The following FBN3 variants were observed in gnomAD, a reference collection of about 807,000 sequenced individuals.
FBN3 encodes the protein fibrillin-3.
FBN3 carries 234 observed loss-of-function variants against 330.1 expected under a neutral mutation model. The ratio of observed to expected loss-of-function variants is 0.71; its 90% CI spans 0.64 to 0.79. FBN3 has a LOEUF of 0.79. Among genes scored for constraint, FBN3 ranks in the 30% least tolerant of loss-of-function variants. The pLI is 0.00. For missense variants in FBN3, 3,606 were observed against 3,886.9 expected, an observed-to-expected ratio of 0.93 and a Z score of 1.92; for synonymous variants, 1,458 against 1,517.3, an observed-to-expected ratio of 0.96 and a Z score of 0.91.
In FBN3 at chr19:8,096,420, G is replaced by A. The variant is rs761733135; in HGVS notation, c.5539+24C>T. The A allele has an allele frequency of 1.9e-6, 3 of 1,604,862 alleles. No homozygotes were observed. The highest frequency in any genetic ancestry group is 2.6e-6 in the Non-Finnish European group (3 of 1,174,360). On this transcript the variant is annotated intron_variant, in intron 44 of 63. Transcript: ENST00000600128. This position sits in a 1 kb window ranked among gnomAD's most constrained non-coding sequence, Gnocchi z 4.6. ...GACCCCAGGCAGCCTGGCTTGAAAA[G>A]GAGGGGGAAGATAAGGGTCTCACCC...
At chr19:8,116,154 T>A (rs965003914) in intron 29 of FBN3, among the ~76,000 whole-genome samples, 2 of 152,106 alleles carry the variant, frequency 1.3e-5, no homozygotes, top group African/African-American at 4.8e-5. Flanking sequence ...CATTGTTACT[T>A]CCCGGAACTT....
At chr19:8,100,833 G>A (rs2082311712) in intron 41 of FBN3, 68 bp downstream of exon 41, 1 of 1,231,380 alleles carries the variant, frequency 8.1e-7, no homozygotes, top group Non-Finnish European at 1.2e-6. Flanking sequence ...GTTGAGGAGG[G>A]GAGGGGTGGG....
At chr19:8,072,244 T>C (rs776964351) in intron 62 of FBN3, 46 bp from the exon 63 acceptor site, 59 of 1,491,540 alleles carry the variant, frequency 4.0e-5, no homozygotes, top group Middle Eastern at 1.8e-4. Context: ...GGCGGGCTGA[T>C]GGGACCTCCC....
Position 8,096,448 on chromosome 19 carries a change from G to A in FBN3, c.5535C>T (p.Cys1845=). ...GGGGGAAGATAAGGGTCTCACCCAT[G>A]CACAGGGTCTGGTCTGCAGAGGCCT... ...GFQASADQTL[C]MDIDECDRQP... The change falls in exon 44 of 64, where the codon TGC becomes TGT. Residue 1845 remains cysteine, a synonymous_variant. Transcript: ENST00000600128. The surrounding 1 kb of genome is among the most constrained non-coding windows in gnomAD (Gnocchi z 4.6). 1 of 1,613,620 alleles carries A rather than the reference G, an allele frequency of 6.2e-7. No homozygotes were observed. The highest frequency in any genetic ancestry group is 8.5e-7 in the Non-Finnish European group (1 of 1,179,766).
At chr19:8,105,646 C>G (rs577463111) in intron 38 of FBN3, among the ~76,000 whole-genome samples, 1 of 152,256 alleles carries the variant, frequency 6.6e-6, no homozygotes, top group African/African-American at 2.4e-5. Flanking sequence ...ATAAAGTATT[C>G]TTAGCTAGCA....
chr19:8,098,619 A>G (rs68173935), intron 41 of FBN3, among the ~76,000 whole-genome samples: 53,422 of 124,184 alleles, frequency 0.43, 15,602 homozygotes, highest in Middle Eastern at 0.64. Context: ...GTGTCCATCA[A>G]TGGGGGACTG....
rs770235641 is a variant in FBN3 at position 8,146,212 on chromosome 19, G to A, written c.264C>T (p.Arg88=). Residue 88 remains arginine (R), a synonymous_variant, in exon 4 of 64, where the codon CGC becomes CGT. Transcript: ENST00000600128. ...GGGAGCAGAAGCCTTCACCGCAGGC[G>A]CGCCTACAGATGGCTGGATGAGTGC... ...RSQCVVPICR[R]ACGEGFCSQP... 25 of 1,595,100 alleles carry A rather than the reference G, an allele frequency of 1.6e-5. No individual in the cohort carries two copies. The highest frequency in any genetic ancestry group is 8.0e-5 in the African/African-American group (6 of 74,802).
intron 59 of FBN3, among the ~76,000 whole-genome samples, chr19:8,076,375 G>C (rs1427467946): frequency 1.3e-5 from 2 of 152,006 alleles, no homozygotes; most frequent in Non-Finnish European, 2.9e-5. Context: ...GCTCATGCCT[G>C]TAATCCCAGT....
chr19:8,086,319 T>C lies in FBN3; in HGVS notation c.6761A>G (p.Asn2254Ser). The C allele has an allele frequency of 6.2e-7, 1 of 1,603,730 alleles. No homozygotes were observed. The highest frequency in any genetic ancestry group is 8.5e-7 in the Non-Finnish European group (1 of 1,173,620). Residue 2254 changes from asparagine to serine, a missense_variant, in exon 55 of 64, where the codon AAT becomes AGT. Physicochemically the swap from Asn to Ser is conservative, Grantham distance 46. Transcript: ENST00000600128. The stretch of plus-strand genomic sequence containing the variant: ...GAGGTCAGGCTGAGCGTGGCATTCA[T>C]TGTCATCTGAGATGGGAGGGGTGAG... ...PGSGEGCTDD[N>S]ECHAQPDLCV...
intron 40 of FBN3, among the ~76,000 whole-genome samples, chr19:8,101,928 C>T (rs973022448): frequency 1.3e-5 from 2 of 152,224 alleles, no homozygotes; most frequent in Admixed American, 1.3e-4. Context: ...TGTGTCCCCA[C>T]CTAAACCTCA....
At position 8,068,424 on chromosome 19, in the gene FBN3, C is replaced by T. The variant is rs1484524984; in HGVS notation, c.8089-2164G>A. Among the ~76,000 whole-genome samples the T allele has an allele frequency of 4.0e-5, 6 of 150,582 alleles. No homozygotes were observed. In the East Asian group the frequency reaches 5.9e-4, roughly 15 times the overall value. On this transcript the variant is annotated intron_variant, in intron 63 of 63. Coordinates refer to ENST00000600128, the MANE Select transcript of FBN3 (RefSeq NM_032447.5). ...AAAAAATCAATAAATAGGGTGGGCA[C>T]GGTGGCTCATGCCTGTACTCCCAGC...
At chr19:8,115,673 T>C (rs759694606) in intron 29 of FBN3, 33 bp from the exon 30 acceptor site, 1 of 1,612,170 alleles carries the variant, frequency 6.2e-7, no homozygotes, top group East Asian at 2.2e-5. Flanking sequence ...GTCTGAGGAC[T>C]GGGTGCAGGG....
intron 46 of FBN3, among the ~76,000 whole-genome samples, chr19:8,095,145 T>C (rs1170311340): frequency 1.3e-5 from 2 of 152,118 alleles, no homozygotes; most frequent in African/African-American, 2.4e-5. Flanking sequence ...CTAATTTAAA[T>C]TTCTTTGTAG....
Position 8,085,574 on chromosome 19 carries a change from A to G in FBN3, c.6881-5T>C, listed in dbSNP as rs761619840. ...AGCAGGGCCCCTGCCGGATGTCTGCAGAGAACAATGGGAAAGACAACGGTC... is the reference window on the plus strand; with the variant it reads ...AGCAGGGCCCCTGCCGGATGTCTGCGGAGAACAATGGGAAAGACAACGGTC... On this transcript the variant is annotated splice_region_variant and splice_polypyrimidine_tract_variant and intron_variant, in intron 55 of 63. Coordinates refer to ENST00000600128, the MANE Select transcript of FBN3 (RefSeq NM_032447.5). 4 of 1,548,106 alleles carry G rather than the reference A, an allele frequency of 2.6e-6. No individual in the cohort carries two copies. Among genetic ancestry groups the G allele is most frequent in the Non-Finnish European group, 3.5e-6 (4 of 1,147,882 alleles).
At chr19:8,074,041 G>T (rs980022312) in intron 61 of FBN3, among the ~76,000 whole-genome samples, 1 of 152,216 alleles carries the variant, frequency 6.6e-6, no homozygotes, top group African/African-American at 2.4e-5. Context: ...CCTCTGTTGA[G>T]AACCTAGTTA....
rs1010309901 is a variant in FBN3 at position 8,147,517 on chromosome 19, T to G, written c.-17-20A>C. Reference sequence around the variant, plus strand: ...TGGAGGCTGCGGAGAGGAAGCAGAGTCAGCCCTAGATGAGCCCCCCACCCT... The same window carrying G: ...TGGAGGCTGCGGAGAGGAAGCAGAGGCAGCCCTAGATGAGCCCCCCACCCT... On this transcript the variant is annotated intron_variant, in intron 1 of 63. Coordinates refer to ENST00000600128, the MANE Select transcript of FBN3 (RefSeq NM_032447.5). The G allele has an allele frequency of 3.5e-6, 5 of 1,431,870 alleles. No homozygotes were observed. In the Admixed American group the frequency reaches 1.5e-4, roughly 42 times the overall value. 88.7% of individuals were successfully genotyped at this position (1,431,870 alleles called of 1,614,324 possible).
rs755795597 is a variant in FBN3 at position 8,094,484 on chromosome 19, C to G, written c.5867G>C (p.Cys1956Ser). Residue 1956 changes from cysteine to serine, a missense_variant, in exon 47 of 64, where the codon TGT (cysteine) becomes TCT (serine). Transcript: ENST00000600128. ...QNLEGSFRCI[C>S]PPGFQVQSDH... ...ACTCTGCACCTGGAAGCCAGGGGGA[C>G]AGATGCAGCGGAAGGAGCCCTCGAG... The G allele has an allele frequency of 6.2e-7, 1 of 1,613,794 alleles. No individual in the cohort carries two copies. The highest frequency in any genetic ancestry group is 8.5e-7 in the Non-Finnish European group (1 of 1,179,818).
In FBN3 at chr19:8,121,350, C is replaced by T. The variant is rs766174500; in HGVS notation, c.3119G>A (p.Gly1040Asp). The T allele has an allele frequency of 7.7e-5, 124 of 1,613,116 alleles. No homozygotes were observed. The highest frequency in any genetic ancestry group is 1.0e-4 in the Non-Finnish European group (119 of 1,179,570). Residue 1040 changes from glycine to aspartate, a missense_variant, in exon 25 of 64, where the codon GGC (glycine) becomes GAC (aspartate). Transcript: ENST00000600128. This position sits in a 1 kb window ranked among gnomAD's most constrained non-coding sequence, Gnocchi z 4.5. ...DECRISPDLC[G>D]QGTCVNTPGS... Reference sequence around the variant, plus strand: ...CGGCGTGTTGACACAGGTGCCCTGGCCGCAGAGGTCAGGAGAGATGCGACA... The same window carrying T: ...CGGCGTGTTGACACAGGTGCCCTGGTCGCAGAGGTCAGGAGAGATGCGACA...
At chr19:8,087,989 G>A (rs1227984323) in intron 52 of FBN3, 42 bp from the exon 53 acceptor site, 1 of 1,614,060 alleles carries the variant, frequency 6.2e-7, no homozygotes, top group South Asian at 1.1e-5. Context: ...AGGGACTGAG[G>A]GCGGGACCTC....
Sources: allele counts gnomAD v4.1 joint callset (sites outside exome capture counted in the v4.1 genomes callset), GRCh38; gene constraint gnomAD v4.1.1; non-coding constraint Gnocchi (gnomAD v3.1); transcripts MANE v1.5; gene names NCBI Gene and HGNC (gene_info 2026-07-23, HGNC 2026-07-21).